FSCN2: variants seen among roughly 807,000 people sequenced by gnomAD.
FSCN2 encodes the protein fascin actin-bundling protein 2, retinal, also known as fascin-2.
Under a neutral mutation model 37.8 loss-of-function variants are expected in FSCN2, and 46 were observed. The ratio of observed to expected loss-of-function variants is 1.22; its 90% CI spans 0.96 to 1.56. The LOEUF is 1.56. Ranked by LOEUF, FSCN2 falls within the 40% of genes most tolerant of loss-of-function variation. FSCN2 has a pLI of 0.00. For missense variants in FSCN2, 844 were observed against 730.4 expected, an observed-to-expected ratio of 1.16 and a Z score of -1.79; for synonymous variants, 351 against 309.4, an observed-to-expected ratio of 1.13 and a Z score of -1.41.
At position 81,528,442 on chromosome 17, in the gene FSCN2, G is replaced by C. The variant is rs535926953; in HGVS notation, c.-90G>C. ...TGGGTCTGGGGGCTGTGGGCCAGCC[G>C]AGCCGACCCGGGCTTCTGGGGGACC... On this transcript the variant is annotated 5_prime_UTR_variant, in exon 1 of 5. Transcript: ENST00000417245. 34 of 1,004,576 alleles carry C rather than the reference G, an allele frequency of 3.4e-5. No homozygotes were observed. The highest frequency in any genetic ancestry group is 4.8e-5 in the Non-Finnish European group (33 of 680,982). 62.2% of individuals were successfully genotyped at this position (1,004,576 alleles called of 1,614,324 possible).
intron 1 of FSCN2, among the ~76,000 whole-genome samples, chr17:81,532,033 TG>T (rs1380432708): frequency 7.6e-4 from 20 of 26,146 alleles, no homozygotes; most frequent in African/African-American, 1.7e-3. Context: ...ATAGTGATGG[TG>T]ATGATGATGG....
chr17:81,532,290 GTGA>G lies in FSCN2; in HGVS notation c.827-2751_827-2749del, dbSNP rs1171387779. On this transcript the variant is annotated intron_variant, in intron 1 of 4. Transcript: ENST00000417245. The stretch of plus-strand genomic sequence containing the variant: ...AGTGATGGTGGTGATGGTGATGGTG[GTGA>G]TGATGATGATAGTGATGGCGATGAT... 1.4e-3 allele frequency among the ~76,000 whole-genome samples: 168 copies of G among 118,766 alleles called. 2 individuals carry two copies. Among genetic ancestry groups the G allele is most frequent in the Middle Eastern group, 4.6e-3 (1 of 218 alleles). The allele number at this position is 118,766 out of a possible 152,430, so 77.9% of individuals were successfully genotyped here. A position where few individuals can be genotyped will look rare whatever the true frequency, so the allele number is the denominator to read the frequency against.
chr17:81,524,497 T>G (rs368410818), upstream of FSCN2, among the ~76,000 whole-genome samples: 2 of 152,264 alleles, frequency 1.3e-5, no homozygotes, highest in African/African-American at 4.8e-5. Context: ...GAGCCCTCAG[T>G]GTGGCAGCGC....
chr17:81,529,971 G>C (rs181440410), intron 1 of FSCN2, among the ~76,000 whole-genome samples: 1 of 152,172 alleles, frequency 6.6e-6, no homozygotes, highest in Non-Finnish European at 1.5e-5. Context: ...CACCACGCCC[G>C]GCTAATTTTT....
Position 81,536,281 on chromosome 17 carries a change from C to G in FSCN2, c.1105+14C>G, listed in dbSNP as rs2143904167. The G allele has an allele frequency of 6.3e-7, 1 of 1,589,026 alleles. No homozygotes were observed. Among genetic ancestry groups the G allele is most frequent in the South Asian group, 1.1e-5 (1 of 87,276 alleles). ...GCGATTTTGTCGGTGAGCACTCTGC[C>G]TGCCAGGTACTGGGGCAGGGGCTGT... On this transcript the variant is annotated intron_variant, in intron 3 of 4. Transcript: ENST00000417245.
chr17:81,516,244 C>T, the FSCN2 span, among the ~76,000 whole-genome samples: 1 of 152,218 alleles, frequency 6.6e-6, no homozygotes, highest in African/African-American at 2.4e-5. Flanking sequence ...TTGAGTTTGG[C>T]CGTAAGTATC....
chr17:81,524,768 C>A (rs1376353514), upstream of FSCN2, among the ~76,000 whole-genome samples: 2 of 152,064 alleles, frequency 1.3e-5, no homozygotes, highest in Admixed American at 1.3e-4. Flanking sequence ...ACAACCTGGG[C>A]TCCCTGCTGG....
At chr17:81,521,788 T>A in the FSCN2 span, among the ~76,000 whole-genome samples, 1 of 152,186 alleles carries the variant, frequency 6.6e-6, no homozygotes, top group African/African-American at 2.4e-5. Flanking sequence ...CCCTTACTAT[T>A]TTAGGGTGTG....
At chr17:81,531,247 T>C (rs1555671223) in intron 1 of FSCN2, among the ~76,000 whole-genome samples, 2 of 108,792 alleles carry the variant, frequency 1.8e-5, no homozygotes, top group Admixed American at 9.1e-5. Flanking sequence ...GTGGTGATGA[T>C]GGTGATGGTG....
upstream of FSCN2, among the ~76,000 whole-genome samples, chr17:81,526,890 C>T (rs782363205): frequency 5.3e-5 from 8 of 152,208 alleles, no homozygotes; most frequent in Admixed American, 2.0e-4. Context: ...ATCATAGAGG[C>T]GGATGAGGCC....
At chr17:81,531,474 GTGGTGATGGTGATGATGGTGA>G (rs2032591679) in intron 1 of FSCN2, among the ~76,000 whole-genome samples, 2 of 105,864 alleles carry the variant, frequency 1.9e-5, no homozygotes, top group East Asian at 2.7e-4. Context: ...GATGGTGGTG[GTGGTGATGGTGATGATGGTGA>G]TGGTGATGGT....
At chr17:81,517,093 G>A in the FSCN2 span, among the ~76,000 whole-genome samples, 17 of 152,212 alleles carry the variant, frequency 1.1e-4, no homozygotes, top group East Asian at 2.1e-3. Flanking sequence ...CACTCTACAC[G>A]AGGGTTAGGG....
Position 81,536,269 on chromosome 17 carries a change from T to C in FSCN2, c.1105+2T>C, listed in dbSNP as rs1228466000. 1.9e-6 allele frequency: 3 copies of C among 1,595,792 alleles called. No homozygotes were observed. In the Admixed American group the frequency reaches 5.2e-5, roughly 28 times the overall value. On this transcript the variant is annotated splice_donor_variant, in intron 3 of 4. Coordinates refer to ENST00000417245, the MANE Select transcript of FSCN2 (RefSeq NM_012418.4). LOFTEE classifies it high-confidence loss of function. ...TGGCGGCTATCAGCGATTTTGTCGG[T>C]GAGCACTCTGCCTGCCAGGTACTGG...
the FSCN2 span, among the ~76,000 whole-genome samples, chr17:81,523,210 T>C: frequency 6.6e-6 from 1 of 152,118 alleles, no homozygotes; most frequent in Non-Finnish European, 1.5e-5. Context: ...GAAGCTGCTT[T>C]CGGGGAGGGG....
rs1392910892 is a variant in FSCN2, at chr17:81,535,038, T to A, written c.827-14T>A. On this transcript the variant is annotated splice_polypyrimidine_tract_variant and intron_variant, in intron 1 of 4. Coordinates refer to ENST00000417245, the MANE Select transcript of FSCN2 (RefSeq NM_012418.4). ...AGGAGAGGCGTGAGGGGCTTCCCCA[T>A]CTCCTCCCTCCAGGGGTCAACGTCT... 7 of 1,516,716 alleles carry A rather than the reference T, an allele frequency of 4.6e-6. No homozygotes were observed. The Admixed American group carries it at 1.4e-4, about 31-fold the overall frequency. 94.0% of individuals were successfully genotyped at this position (1,516,716 alleles called of 1,614,324 possible). A position where few individuals can be genotyped will look rare whatever the true frequency, so the allele number is the denominator to read the frequency against.
At chr17:81,533,894 C>T (rs924367342) in intron 1 of FSCN2, among the ~76,000 whole-genome samples, 2 of 152,128 alleles carry the variant, frequency 1.3e-5, no homozygotes, top group African/African-American at 4.8e-5. Flanking sequence ...GCTGTGGCTT[C>T]CTTCAGTGCC....
At chr17:81,524,596 G>C (rs531240564), upstream of FSCN2, among the ~76,000 whole-genome samples, 2 of 152,342 alleles carry the variant, frequency 1.3e-5, no homozygotes, top group East Asian at 3.9e-4. Flanking sequence ...CACCTCCGGA[G>C]GTGTGGCCAC....
chr17:81,536,869 C>G lies in FSCN2; in HGVS notation c.1274-6C>G. 1.3e-6 allele frequency: 2 copies of G among 1,566,398 alleles called. No homozygotes were observed. Among genetic ancestry groups the G allele is most frequent in the South Asian group, 1.2e-5 (1 of 86,364 alleles). On this transcript the variant is annotated splice_polypyrimidine_tract_variant and splice_region_variant and intron_variant, in intron 4 of 4. Coordinates refer to ENST00000417245, the MANE Select transcript of FSCN2 (RefSeq NM_012418.4). Reference sequence around the variant, plus strand: ...GCACCCCCGCCGACGCCGTCCCGTCCCCCAGGCCGCGACGGAGGGTTCTGG... The same window carrying G: ...GCACCCCCGCCGACGCCGTCCCGTCGCCCAGGCCGCGACGGAGGGTTCTGG...
At chr17:81,524,826 G>C (rs868993086), upstream of FSCN2, among the ~76,000 whole-genome samples, 7 of 151,738 alleles carry the variant, frequency 4.6e-5, no homozygotes, top group Admixed American at 1.3e-4. Flanking sequence ...GACAGTCCCA[G>C]GGTCCAGAGT....
Sources: allele counts gnomAD v4.1 joint callset (sites outside exome capture counted in the v4.1 genomes callset), GRCh38; gene constraint gnomAD v4.1.1; transcripts MANE v1.5; gene names NCBI Gene and HGNC (gene_info 2026-07-23, HGNC 2026-07-21).